The following HTR1F variants were observed in gnomAD, a reference collection of about 807,000 sequenced individuals.
HTR1F encodes 5-hydroxytryptamine (serotonin) receptor 1F, G protein-coupled.
HTR1F carries 17 observed loss-of-function variants against 24.0 expected under a neutral mutation model. The ratio of observed to expected loss-of-function variants is 0.71; its 90% CI spans 0.48 to 1.06. The LOEUF is 1.06. Ranked by LOEUF, HTR1F falls within the 50% of genes least tolerant of loss-of-function variation. HTR1F has a pLI of 0.00. For missense variants in HTR1F, 391 were observed against 427.8 expected, an observed-to-expected ratio of 0.91 and a Z score of 0.76; for synonymous variants, 186 against 156.8, an observed-to-expected ratio of 1.19 and a Z score of -1.39.
At chr3:87,888,086 T>C (rs1383326866) in intron 2 of HTR1F, among the ~76,000 whole-genome samples, 1 of 152,146 alleles carries the variant, frequency 6.6e-6, no homozygotes, top group African/African-American at 2.4e-5. Context: ...CCATCAATGA[T>C]AGACTGGATT....
At chr3:87,857,325 C>T (rs1047757038) in intron 2 of HTR1F, among the ~76,000 whole-genome samples, 1 of 151,926 alleles carries the variant, frequency 6.6e-6, no homozygotes, top group Non-Finnish European at 1.5e-5. Flanking sequence ...TTATAATTTG[C>T]ATTCCAAGTA....
chr3:87,881,334 C>T (rs1705793051), intron 2 of HTR1F, among the ~76,000 whole-genome samples: 1 of 152,202 alleles, frequency 6.6e-6, no homozygotes, highest in African/African-American at 2.4e-5. Flanking sequence ...ACTGCTAGCA[C>T]AGCAGTCTGA....
At chr3:87,836,904 T>A (rs1453172620) in intron 2 of HTR1F, among the ~76,000 whole-genome samples, 1 of 152,082 alleles carries the variant, frequency 6.6e-6, no homozygotes, top group African/African-American at 2.4e-5. Context: ...TTATAACTTT[T>A]ATCTTTAAGT....
At chr3:87,895,746 T>C (rs1706184354) in intron 2 of HTR1F, among the ~76,000 whole-genome samples, 1 of 152,198 alleles carries the variant, frequency 6.6e-6, no homozygotes, top group South Asian at 2.1e-4. Flanking sequence ...AAAAACTTTT[T>C]CTTAAGTGAG....
At chr3:87,811,428 T>A (rs1255793932) in intron 1 of HTR1F, among the ~76,000 whole-genome samples, 1 of 152,216 alleles carries the variant, frequency 6.6e-6, no homozygotes, top group Non-Finnish European at 1.5e-5. Context: ...ATGGGCTTTA[T>A]TTTTAATAGT....
At chr3:87,936,677 T>G (rs1704427747) in intron 2 of HTR1F, among the ~76,000 whole-genome samples, 2 of 152,140 alleles carry the variant, frequency 1.3e-5, no homozygotes, top group African/African-American at 4.8e-5. Context: ...CAACAATCTA[T>G]AATTTAGTTG....
chr3:87,944,029 A>AGG (rs1046989124), intron 2 of HTR1F, among the ~76,000 whole-genome samples: 1 of 152,158 alleles, frequency 6.6e-6, no homozygotes, highest in Non-Finnish European at 1.5e-5. Flanking sequence ...ATTCCTTTCC[A>AGG]GGGTGCGTAA....
At chr3:87,958,351 A>G (rs1385156648) in intron 2 of HTR1F, among the ~76,000 whole-genome samples, 1 of 151,406 alleles carries the variant, frequency 6.6e-6, no homozygotes, top group East Asian at 1.9e-4. Flanking sequence ...TTGTTCCATC[A>G]TTAGCTTAGA....
intron 2 of HTR1F, among the ~76,000 whole-genome samples, chr3:87,981,400 G>T (rs534148760): frequency 1.4e-4 from 21 of 152,112 alleles, no homozygotes; most frequent in Non-Finnish European, 2.8e-4. Context: ...TCACCGTGTT[G>T]CCCACGCTAG....
chr3:87,856,436 A>C (rs1410199147), intron 2 of HTR1F, among the ~76,000 whole-genome samples: 1 of 150,754 alleles, frequency 6.6e-6, no homozygotes, highest in Non-Finnish European at 1.5e-5. Flanking sequence ...AAACTGCTCT[A>C]AAAATGGTCT....
At chr3:87,903,146 A>G (rs1706370328) in intron 2 of HTR1F, among the ~76,000 whole-genome samples, 1 of 152,112 alleles carries the variant, frequency 6.6e-6, no homozygotes, top group African/African-American at 2.4e-5. Flanking sequence ...CAAGACTTAA[A>G]TGTTAGACCT....
At chr3:87,801,724 G>A (rs2107068090) in intron 1 of HTR1F, among the ~76,000 whole-genome samples, 1 of 152,260 alleles carries the variant, frequency 6.6e-6, no homozygotes, top group African/African-American at 2.4e-5. Flanking sequence ...AATGGGAGGG[G>A]AGGCAGGTTT....
intron 2 of HTR1F, among the ~76,000 whole-genome samples, chr3:87,923,128 T>A (rs1704047083): frequency 6.6e-6 from 1 of 152,106 alleles, no homozygotes. Context: ...TCTATGTATC[T>A]TTTATTATGT....
chr3:87,864,030 A>G (rs893115423), intron 2 of HTR1F, among the ~76,000 whole-genome samples: 1 of 152,150 alleles, frequency 6.6e-6, no homozygotes, highest in Admixed American at 6.5e-5. Flanking sequence ...AACAATGGCT[A>G]GTCTAGTCTT....
chr3:87,968,916 C>T (rs909343392), intron 2 of HTR1F, among the ~76,000 whole-genome samples: 3 of 152,216 alleles, frequency 2.0e-5, no homozygotes, highest in African/African-American at 4.8e-5. Flanking sequence ...TACTCGGCAT[C>T]CCAGCCACTC....
rs1381664687 is a variant in HTR1F at position 87,990,701 on chromosome 3, G to C, written c.-42-7G>C. On this transcript the variant is annotated splice_polypyrimidine_tract_variant and splice_region_variant and intron_variant, in intron 2 of 2. Coordinates refer to ENST00000319595, the MANE Select transcript of HTR1F (RefSeq NM_001322209.2). The stretch of plus-strand genomic sequence containing the variant: ...TCTGAACTGTTTTTTCTCTTCCCTT[G>C]TTACAGGTATCCATTTTTCAGCTAT... 2.0e-5 allele frequency: 29 copies of C among 1,422,678 alleles called. No individual in the cohort carries two copies. The highest frequency in any genetic ancestry group is 2.8e-5 in the Non-Finnish European group (29 of 1,025,366). The allele number at this position is 1,422,678 out of a possible 1,614,324, so 88.1% of individuals were successfully genotyped here. A position where few individuals can be genotyped will look rare whatever the true frequency, so the allele number is the denominator to read the frequency against.
chr3:87,827,803 A>G (rs1332138232), intron 2 of HTR1F, among the ~76,000 whole-genome samples: 3 of 152,174 alleles, frequency 2.0e-5, no homozygotes, highest in Non-Finnish European at 4.4e-5. Flanking sequence ...TGATTGGAAA[A>G]GGGTGAGGTG....
intron 1 of HTR1F, among the ~76,000 whole-genome samples, chr3:87,796,282 TG>T (rs1264244141): frequency 6.6e-6 from 1 of 152,040 alleles, no homozygotes; most frequent in Non-Finnish European, 1.5e-5. Flanking sequence ...TCTAGATTTA[TG>T]ACCAGAGCAA....
At chr3:87,835,283 C>T (rs549614980) in intron 2 of HTR1F, among the ~76,000 whole-genome samples, 51 of 148,946 alleles carry the variant, frequency 3.4e-4, no homozygotes, top group African/African-American at 1.1e-3. Context: ...AAGACCCCCC[C>T]GCAAACCCAA....
Sources: gnomAD v4.1 joint callset for allele counts (sites outside exome capture counted in the v4.1 genomes callset) on GRCh38, gnomAD v4.1.1 for gene constraint, MANE v1.5 for transcripts, NCBI Gene and HGNC (gene_info 2026-07-23, HGNC 2026-07-21) for gene names.